Variants in TBC1D15 observed in about 807,000 individuals in gnomAD.
The protein encoded by TBC1D15 is TBC1 domain family member 15.
In TBC1D15, 39 loss-of-function variants were observed where a neutral mutation model predicts 95.4. The ratio of observed to expected loss-of-function variants is 0.41; its 90% CI spans 0.32 to 0.53. The LOEUF (loss-of-function observed/expected upper bound fraction) is 0.53. Ranked by LOEUF, TBC1D15 falls within the 20% of genes least tolerant of loss-of-function variation. TBC1D15 has a pLI of 0.29. For missense variants in TBC1D15, 733 were observed against 794.3 expected (o/e 0.92, Z 0.93); for synonymous variants, 258 against 261.3 (o/e 0.99, Z 0.12).
intron 1 of TBC1D15, among the ~76,000 whole-genome samples, chr12:71,858,933 G>A (rs1322193389): frequency 2.7e-5 from 4 of 149,564 alleles, no homozygotes; most frequent in Non-Finnish European, 5.9e-5. Context: ...CACCAGCAGT[G>A]TATAAGAGTT....
intron 9 of TBC1D15, chr12:71,897,106 A>G (rs1898343584): frequency 5.5e-6 from 1 of 180,492 alleles, no homozygotes; most frequent in South Asian, 1.9e-4. Flanking sequence ...ATCTTGATTC[A>G]TTTTTATAAT....
intron 15 of TBC1D15, 126 bp downstream of exon 15, chr12:71,920,973 C>T: frequency 1.5e-6 from 1 of 662,722 alleles, no homozygotes; most frequent in Non-Finnish European, 2.6e-6. Flanking sequence ...AATAACAGTG[C>T]TAGGAATGAC....
At chr12:71,856,281 C>A (rs916053644) in intron 1 of TBC1D15, among the ~76,000 whole-genome samples, 1 of 152,100 alleles carries the variant, frequency 6.6e-6, no homozygotes, top group Non-Finnish European at 1.5e-5. Context: ...TTAGTAATAT[C>A]TCAGATATGG....
intron 4 of TBC1D15, among the ~76,000 whole-genome samples, chr12:71,881,899 A>T (rs912960181): frequency 6.3e-5 from 9 of 142,428 alleles, no homozygotes; most frequent in African/African-American, 2.1e-4. Flanking sequence ...GCCTGGCAAC[A>T]CAGCAAGACT....
At chr12:71,878,668 A>G (rs971988494) in intron 3 of TBC1D15, among the ~76,000 whole-genome samples, 2 of 151,466 alleles carry the variant, frequency 1.3e-5, no homozygotes, top group Non-Finnish European at 2.9e-5. Context: ...GGCACCCCCC[A>G]CCACTCCCGG....
chr12:71,884,712 T>G (rs1377033041), intron 4 of TBC1D15, 99 bp from the exon 5 acceptor site: 1 of 1,053,478 alleles, frequency 9.5e-7, no homozygotes. Context: ...ACTGATTCCC[T>G]GGGTTCAACT....
Position 71,923,415 on chromosome 12 carries a change from T to G in TBC1D15, c.*211T>G. The G allele has an allele frequency of 2.1e-6, 1 of 475,890 alleles. No homozygotes were observed. The highest frequency in any genetic ancestry group is 3.7e-6 in the Non-Finnish European group (1 of 269,540). 29.5% of individuals were successfully genotyped at this position (475,890 alleles called of 1,614,324 possible). A position where few individuals can be genotyped will look rare whatever the true frequency, so the allele number is the denominator to read the frequency against. On this transcript the variant is annotated 3_prime_UTR_variant, in exon 17 of 17. Coordinates refer to ENST00000485960, the MANE Select transcript of TBC1D15 (RefSeq NM_001146213.3). ...AAATAGCCTTTCCTTTTCGATAACATTCCTCAGTATTTTTATAGCCAAGTA... is the reference window on the plus strand; with the variant it reads ...AAATAGCCTTTCCTTTTCGATAACAGTCCTCAGTATTTTTATAGCCAAGTA...
intron 5 of TBC1D15, among the ~76,000 whole-genome samples, chr12:71,887,411 A>G (rs975859163): frequency 6.6e-6 from 1 of 152,174 alleles, no homozygotes; most frequent in African/African-American, 2.4e-5. Context: ...TGCAACATTA[A>G]ATAAAATCCA....
intron 5 of TBC1D15, among the ~76,000 whole-genome samples, chr12:71,891,186 C>T (rs962506182): frequency 5.9e-5 from 9 of 152,104 alleles, no homozygotes; most frequent in African/African-American, 9.7e-5. Flanking sequence ...ATAGTTACTG[C>T]TACATTTGGG....
intron 1 of TBC1D15, among the ~76,000 whole-genome samples, chr12:71,843,717 T>G (rs908004162): frequency 6.6e-6 from 1 of 152,124 alleles, no homozygotes; most frequent in African/African-American, 2.4e-5. Flanking sequence ...GGTGTGATCA[T>G]GGTTCATTGC....
At chr12:71,917,819 T>C (rs373629774) in intron 13 of TBC1D15, 22 bp downstream of exon 13, 51 of 1,484,756 alleles carry the variant, frequency 3.4e-5, no homozygotes, top group Non-Finnish European at 4.5e-5. Flanking sequence ...GAATCAGAAC[T>C]ATACCCAGCA....
At chr12:71,858,402 A>G (rs1476020439) in intron 1 of TBC1D15, among the ~76,000 whole-genome samples, 2 of 151,284 alleles carry the variant, frequency 1.3e-5, no homozygotes, top group Admixed American at 1.3e-4. Context: ...TCATCTGTTG[A>G]TGGACTCTTA....
chr12:71,885,540 G>T (rs1896063177), intron 5 of TBC1D15, among the ~76,000 whole-genome samples: 1 of 152,278 alleles, frequency 6.6e-6, no homozygotes, highest in African/African-American at 2.4e-5. Flanking sequence ...TATTTTTTGG[G>T]TATCTGTTAC....
In TBC1D15 at chr12:71,895,929, G is replaced by T; in HGVS notation, c.856-18G>T. 1.2e-6 allele frequency: 2 copies of T among 1,606,738 alleles called. No individual in the cohort carries two copies. Among genetic ancestry groups the T allele is most frequent in the Non-Finnish European group, 1.7e-6 (2 of 1,176,036 alleles). Reference sequence around the variant, plus strand: ...ACTGGTTAAATATGTACTTATTATTGCTTAATCTTATTTTTAGATTGATTT... The same window carrying T: ...ACTGGTTAAATATGTACTTATTATTTCTTAATCTTATTTTTAGATTGATTT... On this transcript the variant is annotated intron_variant, in intron 7 of 16. Transcript: ENST00000485960.
chr12:71,899,075 T>C (rs1006981798), intron 10 of TBC1D15, among the ~76,000 whole-genome samples: 7 of 152,124 alleles, frequency 4.6e-5, no homozygotes, highest in South Asian at 2.1e-4. Flanking sequence ...TGCTTGAGCA[T>C]AAAATATTCG....
chr12:71,884,698 C>G, intron 4 of TBC1D15, 113 bp from the exon 5 acceptor site: 1 of 829,102 alleles, frequency 1.2e-6, no homozygotes, highest in Non-Finnish European at 2.0e-6. Flanking sequence ...AATATAAGTG[C>G]TATACTGATT....
At chr12:71,852,062 T>C (rs1887960704) in intron 1 of TBC1D15, among the ~76,000 whole-genome samples, 1 of 152,254 alleles carries the variant, frequency 6.6e-6, no homozygotes, top group Non-Finnish European at 1.5e-5. Context: ...GGCTTTTCCA[T>C]ACATCCTCTG....
At chr12:71,898,896 AT>A (rs1328396835) in intron 10 of TBC1D15, among the ~76,000 whole-genome samples, 1 of 152,124 alleles carries the variant, frequency 6.6e-6, no homozygotes, top group Non-Finnish European at 1.5e-5. Context: ...AAAAGAATTT[AT>A]TTTTCTGAAA....
At position 71,915,610 on chromosome 12, in the gene TBC1D15, A is replaced by G. The variant is rs143686673; in HGVS notation, c.1401+1684A>G. 5.6e-3 allele frequency among the ~76,000 whole-genome samples: 845 copies of G among 152,212 alleles called. 8 individuals carry two copies. Among genetic ancestry groups the G allele is most frequent in the African/African-American group, 0.02 (811 of 41,546 alleles). ...ACGTGTGTATATAGGTCTCATATGT[A>G]AAGACTACCTTCTGAACATGTGTAA... On this transcript the variant is annotated intron_variant, in intron 12 of 16. Coordinates refer to ENST00000485960, the MANE Select transcript of TBC1D15 (RefSeq NM_001146213.3).
Sources: allele counts gnomAD v4.1 joint callset (sites outside exome capture counted in the v4.1 genomes callset), GRCh38; gene constraint gnomAD v4.1.1; transcripts MANE v1.5; gene names NCBI Gene and HGNC (gene_info 2026-07-23, HGNC 2026-07-21).